ZSCAN31: variants seen among roughly 807,000 people sequenced by gnomAD.
ZSCAN31 encodes zinc finger and SCAN domain-containing protein 31.
Under a neutral mutation model 22.5 loss-of-function variants are expected in ZSCAN31, and 14 were observed. The observed-to-expected ratio is 0.62, with a 90% CI of 0.41 to 0.97. The LOEUF (loss-of-function observed/expected upper bound fraction) is 0.97, where lower values mean the gene tolerates loss of function less well. Among genes scored for constraint, ZSCAN31 ranks in the 50% least tolerant of loss-of-function variants. The pLI, the probability that ZSCAN31 is intolerant of heterozygous loss-of-function variation, is 0.00. For synonymous variants in ZSCAN31, 168 were observed against 169.8 expected (o/e 0.99, Z 0.08); for missense variants, 424 against 483.4 (o/e 0.88, Z 1.15).
chr6:28,331,370 T>C lies in ZSCAN31; in HGVS notation c.-95-1592A>G, dbSNP rs1689304511. On this transcript the variant is annotated intron_variant, in intron 1 of 3. Transcript: ENST00000344279. This position sits in a 1 kb window ranked among gnomAD's most constrained non-coding sequence, Gnocchi z 4.8. ...AAGGTCTGAGATCACTTGGAAGTTT[T>C]TCAGTTACACTTTATTGGGTGAAAA... Among the ~76,000 whole-genome samples, 1 of 152,222 alleles carries C rather than the reference T, an allele frequency of 6.6e-6. No homozygotes were observed. The highest frequency in any genetic ancestry group is 2.4e-5 in the African/African-American group (1 of 41,456).
intron 3 of ZSCAN31, 75 bp from the exon 4 acceptor site, chr6:28,326,929 A>G: frequency 7.5e-7 from 1 of 1,324,538 alleles, no homozygotes; most frequent in Non-Finnish European, 1.0e-6. Context: ...TGGAAATAGA[A>G]AGATCGATAT....
rs1224724922 is a variant in ZSCAN31 at position 28,329,394 on chromosome 6, G to T, written c.290C>A (p.Ala97Asp). Reference protein sequence around the residue: ...FLTILPEELQAWVREHHPESG... With the variant: ...FLTILPEELQDWVREHHPESG... ...CTCCGGATGGTGCTCCCGCACCCAG[G>T]CCTGGAGCTCCTCAGGCAGGATAGT... is the stretch of plus-strand genomic sequence containing the variant. Residue 97 changes from alanine (A) to aspartate (D), a missense_variant, in exon 2 of 4, where the codon GCC becomes GAC. Physicochemically the swap from Ala to Asp is moderately radical, Grantham distance 126. Coordinates refer to ENST00000344279, the MANE Select transcript of ZSCAN31 (RefSeq NM_030899.5). 1.9e-6 allele frequency: 3 copies of T among 1,614,068 alleles called. No individual in the cohort carries two copies. The highest frequency in any genetic ancestry group is 2.5e-6 in the Non-Finnish European group (3 of 1,180,042).
intron 2 of ZSCAN31, 125 bp from the exon 3 acceptor site, chr6:28,327,658 CAG>C (rs982254430): frequency 4.4e-6 from 5 of 1,141,200 alleles, no homozygotes; most frequent in African/African-American, 1.6e-5. Flanking sequence ...GTGGAAGGAC[CAG>C]AGTTTAATTC....
chr6:28,343,774 C>A (rs940377950), intron 2 of ZSCAN31, among the ~76,000 whole-genome samples: 1 of 152,060 alleles, frequency 6.6e-6, no homozygotes, highest in Non-Finnish European at 1.5e-5. Context: ...ATGATCCGCC[C>A]GCCTTGGCCT....
At chr6:28,340,913 T>C (rs570904586), upstream of ZSCAN31, among the ~76,000 whole-genome samples, 1 of 152,284 alleles carries the variant, frequency 6.6e-6, no homozygotes, top group South Asian at 2.1e-4. Flanking sequence ...TTGGTTTTGG[T>C]TTGGTTGGTT....
At chr6:28,343,538 C>CTTTTTTTTTTTTTTTTT (rs1764506598) in intron 2 of ZSCAN31, among the ~76,000 whole-genome samples, 1 of 130,284 alleles carries the variant, frequency 7.7e-6, no homozygotes, top group Non-Finnish European at 1.6e-5. Context: ...TTTTTTTTTT[C>CTTTTTTTTTTTTTTTTT]TTTCTTTTTT....
chr6:28,327,489 A>C lies in ZSCAN31; in HGVS notation c.426T>G (p.Asp142Glu). ...EHGHSEVLLEDVEHLKVKQEP... is the reference protein window; with the variant it reads ...EHGHSEVLLEEVEHLKVKQEP... ...CCTGCTTGACCTTCAGATGTTCCAC[A>C]TCCTCCAAGAGCACTTCAGAATGTC... The change falls in exon 3 of 4, where the codon GAT becomes GAG. Residue 142 changes from aspartate (D) to glutamate (E), a missense_variant. Transcript: ENST00000344279. 1 of 1,613,980 alleles carries C rather than the reference A, an allele frequency of 6.2e-7. No homozygotes were observed. Among genetic ancestry groups the C allele is most frequent in the Non-Finnish European group, 8.5e-7 (1 of 1,180,018 alleles).
intron 2 of ZSCAN31, among the ~76,000 whole-genome samples, chr6:28,345,210 A>G (rs1286624203): frequency 6.6e-6 from 1 of 152,122 alleles, no homozygotes. Context: ...TTGAAAACAA[A>G]GAGGTCTGGG....
intron 1 of ZSCAN31, among the ~76,000 whole-genome samples, chr6:28,332,106 G>A (rs1017119243): frequency 4.6e-5 from 7 of 152,128 alleles, no homozygotes; most frequent in African/African-American, 1.4e-4. Context: ...GAACACAGAA[G>A]GGAAAATACA....
At chr6:28,343,070 G>A (rs1289831953) in intron 2 of ZSCAN31, among the ~76,000 whole-genome samples, 1 of 152,144 alleles carries the variant, frequency 6.6e-6, no homozygotes, top group African/African-American at 2.4e-5. Flanking sequence ...TCATATAGGG[G>A]CCAGATAAGA....
In ZSCAN31 at chr6:28,349,500, T is replaced by A. The variant is rs936503411; in HGVS notation, c.-371+4362A>T. ...TTTTTTATGTAAACCACGCAGCATG[T>A]TCCTTAAAATTTATGTATTTAGAAT... On this transcript the variant is annotated intron_variant, in intron 2 of 7. Coordinates refer to the ZSCAN31 transcript ENST00000396838. The surrounding 1 kb of genome is among the most constrained non-coding windows in gnomAD (Gnocchi z 4.1). Among the ~76,000 whole-genome samples, 1 of 152,188 alleles carries A rather than the reference T, an allele frequency of 6.6e-6. No homozygotes were observed. Among genetic ancestry groups the A allele is most frequent in the Non-Finnish European group, 1.5e-5 (1 of 68,028 alleles).
At chr6:28,339,484 C>T (rs1225113483), upstream of ZSCAN31, among the ~76,000 whole-genome samples, 3 of 152,078 alleles carry the variant, frequency 2.0e-5, 1 homozygote, top group Non-Finnish European at 4.4e-5. Context: ...GACGGGGTTT[C>T]GCCGTGTTGG....
rs1764687160 is a variant in ZSCAN31, at chr6:28,347,440, C to T, written c.-370-5648G>A. On this transcript the variant is annotated intron_variant, in intron 2 of 7. Coordinates refer to the ZSCAN31 transcript ENST00000396838. The surrounding 1 kb of genome is among the most constrained non-coding windows in gnomAD (Gnocchi z 5.2). ...TATTGCAGTTAGCCCCCTCTCATGC[C>T]AGGACTTCTGATCTCTCTACCCTGA... Among the ~76,000 whole-genome samples the T allele has an allele frequency of 6.6e-6, 1 of 152,136 alleles. No individual in the cohort carries two copies.
upstream of ZSCAN31, chr6:28,336,289 G>T (rs1384195197): frequency 6.6e-6 from 1 of 152,246 alleles, no homozygotes; most frequent in Non-Finnish European, 1.5e-5. Context: ...AGTCCCACTG[G>T]GTGCGAGGCG....
At chr6:28,342,123 C>T (rs1358691919) in intron 2 of ZSCAN31, among the ~76,000 whole-genome samples, 1 of 152,130 alleles carries the variant, frequency 6.6e-6, no homozygotes, top group Non-Finnish European at 1.5e-5. Context: ...TCTCCTTCAG[C>T]CAGAAGGGCA....
At chr6:28,340,031 A>G (rs1561920646), upstream of ZSCAN31, among the ~76,000 whole-genome samples, 1 of 152,134 alleles carries the variant, frequency 6.6e-6, no homozygotes, top group Non-Finnish European at 1.5e-5. Context: ...GCATTTGAAG[A>G]AACATGCAAA....
intron 2 of ZSCAN31, among the ~76,000 whole-genome samples, chr6:28,346,261 G>A (rs1581701173): frequency 6.6e-6 from 1 of 151,144 alleles, no homozygotes; most frequent in Non-Finnish European, 1.5e-5. Flanking sequence ...CTGTTACACA[G>A]TGGGGACAGG....
intron 2 of ZSCAN31, among the ~76,000 whole-genome samples, chr6:28,342,063 T>G (rs1307303949): frequency 1.3e-5 from 2 of 152,156 alleles, no homozygotes; most frequent in Non-Finnish European, 2.9e-5. Context: ...TGATTATGAA[T>G]GTAAGGCAAA....
At chr6:28,346,770 G>C (rs9468345) in intron 2 of ZSCAN31, among the ~76,000 whole-genome samples, 6,971 of 152,214 alleles carry the variant, frequency 0.046, 201 homozygotes, top group East Asian at 0.12. Flanking sequence ...AATGAACAAA[G>C]ATGATAGTAA....
Sources: gnomAD v4.1 joint callset for allele counts (sites outside exome capture counted in the v4.1 genomes callset) on GRCh38, gnomAD v4.1.1 for gene constraint, Gnocchi (gnomAD v3.1) non-coding constraint, MANE v1.5 for transcripts, NCBI Gene and HGNC (gene_info 2026-07-23, HGNC 2026-07-21) for gene names.